Variants in SCIN observed in about 807,000 individuals in gnomAD.
SCIN encodes the protein adseverin.
SCIN carries 91 observed loss-of-function variants against 91.8 expected under a neutral mutation model. That is an observed-to-expected ratio of 0.99 (90% CI 0.84 to 1.18). The LOEUF (loss-of-function observed/expected upper bound fraction) is 1.18. SCIN is among the 50% of genes most tolerant of loss of function. SCIN has a pLI of 0.00. For synonymous variants in SCIN, 367 were observed against 312.6 expected, an observed-to-expected ratio of 1.17 and a Z score of -1.84; for missense variants, 1,087 against 863.9, an observed-to-expected ratio of 1.26 and a Z score of -3.24.
At position 12,640,489 on chromosome 7, in the gene SCIN, A is replaced by G; in HGVS notation, c.1553A>G (p.Asn518Ser). The G allele has an allele frequency of 6.2e-7, 1 of 1,612,040 alleles. No homozygotes were observed. Among genetic ancestry groups the G allele is most frequent in the Non-Finnish European group, 8.5e-7 (1 of 1,179,078 alleles). ...ACACGCCTCTTTCAAGTCCGGAGAAACCTGGCATCTATCACCAGAATTGTG... is the reference window on the plus strand; with the variant it reads ...ACACGCCTCTTTCAAGTCCGGAGAAGCCTGGCATCTATCACCAGAATTGTG... ...PPTRLFQVRR[N>S]LASITRIVEV... is the part of the protein sequence containing the mutation. The change falls in exon 11 of 16, where the codon AAC becomes AGC. Residue 518 changes from asparagine to serine, a missense_variant. Transcript: ENST00000297029.
intron 4 of SCIN, among the ~76,000 whole-genome samples, chr7:12,621,160 A>G (rs1294395948): frequency 1.3e-5 from 2 of 152,146 alleles, no homozygotes; most frequent in Non-Finnish European, 2.9e-5. Context: ...CCAGATGTAA[A>G]GCCCTTAAGT....
intron 4 of SCIN, among the ~76,000 whole-genome samples, chr7:12,606,255 G>A (rs1268287324): frequency 6.6e-6 from 1 of 152,170 alleles, no homozygotes; most frequent in Non-Finnish European, 1.5e-5. Flanking sequence ...GCGTTTAATA[G>A]TGGTAGGTGG....
intron 6 of SCIN, among the ~76,000 whole-genome samples, 156 bp downstream of exon 6, chr7:12,625,298 T>C (rs1583307050): frequency 1.3e-5 from 2 of 152,038 alleles, no homozygotes; most frequent in Non-Finnish European, 2.9e-5. Flanking sequence ...ATTTTCCTCC[T>C]ACCAACATCA....
intron 10 of SCIN, among the ~76,000 whole-genome samples, chr7:12,637,525 GGAAGA>G (rs1296614409): frequency 6.6e-6 from 1 of 151,584 alleles, no homozygotes; most frequent in Non-Finnish European, 1.5e-5. Context: ...GAGAGGAGAG[GGAAGA>G]GAAGAGAGGG....
rs1784187558 is a variant in SCIN, at chr7:12,657,562, A to AT, written c.*4848dup. 4.0e-5 allele frequency: 1 copy of AT among 25,062 alleles called. No homozygotes were observed. The highest frequency in any genetic ancestry group is 1.1e-4 in the African/African-American group (1 of 8,706). The allele number at this position is 25,062 out of a possible 1,614,324, so 1.6% of individuals were successfully genotyped here. ...TGTATATATATATATATATATATAT[A>AT]TATATATATATTTTTTTTTTTTTTT... is the stretch of plus-strand genomic sequence containing the variant. On this transcript the variant is annotated 3_prime_UTR_variant, in exon 16 of 16. Transcript: ENST00000297029.
intron 4 of SCIN, among the ~76,000 whole-genome samples, chr7:12,615,807 C>T (rs534240097): frequency 6.6e-6 from 1 of 151,948 alleles, no homozygotes; most frequent in African/African-American, 2.4e-5. Context: ...TGAGTTTGCT[C>T]AATTAAAATT....
chr7:12,586,234 G>A (rs148184369), intron 3 of SCIN, among the ~76,000 whole-genome samples: 84 of 152,156 alleles, frequency 5.5e-4, no homozygotes, highest in African/African-American at 1.9e-3. Context: ...TAACTCAACT[G>A]GACCCTATTC....
rs961059144 is a variant in SCIN at position 12,614,648 on chromosome 7, C to A, written c.667-8153C>A. 2.6e-5 allele frequency among the ~76,000 whole-genome samples: 4 copies of A among 152,232 alleles called. No homozygotes were observed. The South Asian group carries it at 8.3e-4, about 32-fold the overall frequency. ...CCCAAAGAGACCCTCAGGCATTAGC[C>A]CTCAGAAGGCTGAGTGGTTGCTGGG... On this transcript the variant is annotated intron_variant, in intron 4 of 15. Coordinates refer to ENST00000297029, the MANE Select transcript of SCIN (RefSeq NM_001112706.3).
intron 5 of SCIN, among the ~76,000 whole-genome samples, chr7:12,624,657 G>A (rs1452977471): frequency 6.6e-6 from 1 of 152,092 alleles, no homozygotes; most frequent in African/African-American, 2.4e-5. Context: ...ATTACATGAT[G>A]CTTAGTACAT....
At chr7:12,648,292 TC>T (rs1784005719) in intron 13 of SCIN, among the ~76,000 whole-genome samples, 1 of 142,656 alleles carries the variant, frequency 7.0e-6, no homozygotes, top group Non-Finnish European at 1.6e-5. Context: ...TTTCTCTCTC[TC>T]TCTTTTTTTT....
In SCIN at chr7:12,644,155, T is replaced by G; in HGVS notation, c.1599T>G (p.Asn533Lys). 6.2e-7 allele frequency: 1 copy of G among 1,612,600 alleles called. No homozygotes were observed. Among genetic ancestry groups the G allele is most frequent in the Non-Finnish European group, 8.5e-7 (1 of 1,179,188 alleles). ...TATTCCAGGTTGATGTTGATGCAAA[T>G]TCACTGAATTCTAACGATGTTTTTG... ...TRIVEVDVDA[N>K]SLNSNDVFVL... The change falls in exon 12 of 16, where the codon AAT (asparagine) becomes AAG (lysine). Residue 533 changes from asparagine to lysine, a missense_variant. Coordinates refer to ENST00000297029, the MANE Select transcript of SCIN (RefSeq NM_001112706.3).
chr7:12,583,046 A>T (rs1782520630), intron 3 of SCIN, among the ~76,000 whole-genome samples: 1 of 151,986 alleles, frequency 6.6e-6, no homozygotes, highest in Non-Finnish European at 1.5e-5. Flanking sequence ...AGGGTCCCTT[A>T]ACCAGAAAGG....
intron 4 of SCIN, among the ~76,000 whole-genome samples, chr7:12,605,295 C>A (rs138570307): frequency 6.6e-6 from 1 of 152,112 alleles, no homozygotes; most frequent in South Asian, 2.1e-4. Flanking sequence ...GTGATCCGCC[C>A]GCCTTGGCCT....
chr7:12,600,751 T>G (rs551436999), intron 3 of SCIN, among the ~76,000 whole-genome samples: 141 of 152,252 alleles, frequency 9.3e-4, no homozygotes, highest in African/African-American at 3.2e-3. Context: ...TAGAATCACC[T>G]GAGGAGCTTT....
intron 3 of SCIN, among the ~76,000 whole-genome samples, chr7:12,583,352 G>A (rs1782526907): frequency 6.6e-6 from 1 of 152,076 alleles, no homozygotes; most frequent in South Asian, 2.1e-4. Context: ...GTCACATCTG[G>A]GAAATGGCAG....
intron 3 of SCIN, among the ~76,000 whole-genome samples, chr7:12,601,925 A>G (rs1012816591): frequency 1.3e-5 from 2 of 152,168 alleles, no homozygotes; most frequent in African/African-American, 4.8e-5. Flanking sequence ...GACTCATGCA[A>G]TGACATTTAT....
rs997101583 is a variant in SCIN, at chr7:12,655,914, T to C, written c.*3199T>C. On this transcript the variant is annotated 3_prime_UTR_variant, in exon 16 of 16. Transcript: ENST00000297029. ...AAAGACCCAGGAAGCCTACTGTTAG[T>C]AGAGGTCAGCCTCATCTTTTCTCTC... The C allele has an allele frequency of 2.6e-5, 4 of 152,284 alleles. No individual in the cohort carries two copies. The highest frequency in any genetic ancestry group is 1.3e-4 in the Admixed American group (2 of 15,292). 9.4% of individuals were successfully genotyped at this position (152,284 alleles called of 1,614,324 possible).
chr7:12,610,039 G>C (rs1003366630), intron 4 of SCIN, among the ~76,000 whole-genome samples: 1 of 152,178 alleles, frequency 6.6e-6, no homozygotes, highest in African/African-American at 2.4e-5. Flanking sequence ...GAATAGAATC[G>C]TGAGGGTCCT....
intron 3 of SCIN, chr7:12,596,239 T>G: frequency 2.5e-6 from 1 of 408,138 alleles, no homozygotes. Flanking sequence ...GTCGTACACA[T>G]GCCAACCTGA....
Sources: gnomAD v4.1 joint callset for allele counts (sites outside exome capture counted in the v4.1 genomes callset) on GRCh38, gnomAD v4.1.1 for gene constraint, MANE v1.5 for transcripts, NCBI Gene and HGNC (gene_info 2026-07-23, HGNC 2026-07-21) for gene names.